Variants in MCF2 observed in about 807,000 individuals in gnomAD.
MCF2 encodes the protein MCF.2 cell line derived transforming sequence, also known as proto-oncogene DBL.
A neutral mutation model predicts 82.5 loss-of-function variants in MCF2; 44 were observed. The observed-to-expected ratio is 0.53, with a 90% CI of 0.42 to 0.69. The LOEUF is 0.69. MCF2 is among the 30% of genes least tolerant of loss of function. MCF2 has a pLI of 0.00. For missense variants in MCF2, 623 were observed against 663.1 expected (o/e 0.94, Z 0.66); for synonymous variants, 217 against 224.9 (o/e 0.96, Z 0.32).
At chrX:139,595,078 C>A (rs1370557301) in intron 19 of MCF2, among the ~76,000 whole-genome samples, 1 of 109,616 alleles carries the variant, frequency 9.1e-6, no homozygotes, top group East Asian at 2.9e-4. Flanking sequence ...CAGGAAACAA[C>A]AGGTGCTGGA....
At chrX:139,621,852 T>C (rs1449095095) in intron 6 of MCF2, among the ~76,000 whole-genome samples, 5 of 111,176 alleles carry the variant, frequency 4.5e-5, no homozygotes, top group Non-Finnish European at 9.4e-5. Context: ...CCGAAAGCAA[T>C]GGCAACAAAA....
Sources: allele counts gnomAD v4.1 joint callset (sites outside exome capture counted in the v4.1 genomes callset), GRCh38; gene constraint gnomAD v4.1.1; transcripts MANE v1.5; gene names NCBI Gene and HGNC (gene_info 2026-07-23, HGNC 2026-07-21).